The following MASP1 variants were observed in gnomAD, a reference collection of about 807,000 sequenced individuals.
MASP1 encodes mannan-binding lectin serine protease 1.
A neutral mutation model predicts 77.1 loss-of-function variants in MASP1; 59 were observed. The observed-to-expected ratio is 0.77, with a 90% CI of 0.62 to 0.95. The LOEUF (loss-of-function observed/expected upper bound fraction) is 0.95, where lower values mean the gene tolerates loss of function less well. MASP1 is among the 40% of genes least tolerant of loss of function. The pLI, the probability that MASP1 is intolerant of heterozygous loss-of-function variation, is 0.00. For synonymous variants in MASP1, 362 were observed against 354.5 expected (o/e 1.02, Z -0.24); for missense variants, 885 against 912.9 (o/e 0.97, Z 0.39).
intron 14 of MASP1, among the ~76,000 whole-genome samples, chr3:187,221,344 A>G (rs1405590842): frequency 1.3e-5 from 2 of 152,208 alleles, no homozygotes; most frequent in Admixed American, 6.5e-5. Flanking sequence ...TTGGCTGTGA[A>G]GACCTTGGCT....
At chr3:187,291,473 C>T in intron 1 of MASP1, 155 bp downstream of exon 1, 1 of 1,010,186 alleles carries the variant, frequency 9.9e-7, no homozygotes, top group Non-Finnish European at 1.5e-6. Flanking sequence ...CCACCCACAG[C>T]TCCCTTCTCA....
intron 1 of MASP1, among the ~76,000 whole-genome samples, chr3:187,288,512 G>A (rs1404884900): frequency 6.6e-6 from 1 of 152,196 alleles, no homozygotes; most frequent in Admixed American, 6.5e-5. Context: ...CCATTAAGTA[G>A]TAATAATAAC....
intron 1 of MASP1, among the ~76,000 whole-genome samples, chr3:187,289,558 C>T (rs1718138865): frequency 6.6e-6 from 1 of 152,220 alleles, no homozygotes; most frequent in African/African-American, 2.4e-5. Context: ...AAACCCATGG[C>T]TTTACGTAAA....
intron 8 of MASP1, among the ~76,000 whole-genome samples, chr3:187,245,273 T>G (rs1047846925): frequency 2.0e-5 from 3 of 152,188 alleles, no homozygotes; most frequent in African/African-American, 7.2e-5. Context: ...TTTCAGAAAA[T>G]GCCATTGACT....
At chr3:187,233,266 T>A (rs1232073964), downstream of MASP1, among the ~76,000 whole-genome samples, 1 of 152,202 alleles carries the variant, frequency 6.6e-6, no homozygotes, top group African/African-American at 2.4e-5. Flanking sequence ...GTGATTCTCA[T>A]ATACCCCAAA....
intron 7 of MASP1, among the ~76,000 whole-genome samples, chr3:187,250,954 T>C (rs187203050): frequency 3.3e-5 from 5 of 152,146 alleles, no homozygotes; most frequent in Admixed American, 3.3e-4. Flanking sequence ...GGGGAACCCA[T>C]CTGTTCCTTT....
intron 2 of MASP1, among the ~76,000 whole-genome samples, chr3:187,283,195 A>T (rs1579587852): frequency 6.6e-6 from 1 of 152,202 alleles, no homozygotes; most frequent in Non-Finnish European, 1.5e-5. Context: ...CTAGATAGAA[A>T]CCATCAACCA....
intron 4 of MASP1, among the ~76,000 whole-genome samples, chr3:187,259,129 A>C (rs768705061): frequency 1.3e-5 from 2 of 152,226 alleles, no homozygotes; most frequent in African/African-American, 4.8e-5. Context: ...AGCCCTGCTA[A>C]GGAACATTTA....
At chr3:187,237,602 T>C (rs2108516072) in intron 10 of MASP1, among the ~76,000 whole-genome samples, 1 of 152,348 alleles carries the variant, frequency 6.6e-6, no homozygotes, top group Non-Finnish European at 1.5e-5. Context: ...CAAACTTCGT[T>C]CCACTGAGTT....
At chr3:187,279,102 C>T (rs1717201539) in intron 2 of MASP1, among the ~76,000 whole-genome samples, 2 of 152,160 alleles carry the variant, frequency 1.3e-5, no homozygotes, top group Admixed American at 6.5e-5. Context: ...GAAATATACA[C>T]TTTGCGTGTT....
intron 2 of MASP1, among the ~76,000 whole-genome samples, chr3:187,285,366 G>T (rs951931674): frequency 6.6e-6 from 1 of 152,002 alleles, no homozygotes; most frequent in Non-Finnish European, 1.5e-5. Flanking sequence ...CTTCATCTCT[G>T]ACTCTTTACT....
rs746844321 is a variant in MASP1, at chr3:187,235,688, C to T, written c.2183G>A (p.Arg728Gln). Residue 728 changes from arginine (R) to glutamine (Q), a missense_variant, in exon 11 of 11, where the codon CGG becomes CAG. Coordinates refer to ENST00000296280, the MANE Select transcript of MASP1 (RefSeq NM_139125.4). ...PQSVVEPQVER is the reference protein window; with the variant it reads ...PQSVVEPQVEQ ...GCCCCGAGGAAGTAAGTCAGCTCAC[C>T]GTTCCACCTGGGGCTCCACAACACT... 20 of 1,614,014 alleles carry T rather than the reference C, an allele frequency of 1.2e-5. No individual in the cohort carries two copies. The highest frequency in any genetic ancestry group is 2.2e-5 in the East Asian group (1 of 44,892).
chr3:187,289,652 T>C (rs1718148645), intron 1 of MASP1, among the ~76,000 whole-genome samples: 1 of 152,228 alleles, frequency 6.6e-6, no homozygotes, highest in Non-Finnish European at 1.5e-5. Context: ...CACTGGCATG[T>C]TTCAAGGCAG....
chr3:187,286,198 T>C (rs1717845098), intron 1 of MASP1, 142 bp from the exon 2 acceptor site: 2 of 713,390 alleles, frequency 2.8e-6, no homozygotes, highest in Non-Finnish European at 5.0e-6. Context: ...TGACCTTGCC[T>C]CCTCAGTCTG....
At chr3:187,243,783 C>T (rs1400874750) in intron 8 of MASP1, 162 bp from the exon 9 acceptor site, 5 of 833,006 alleles carry the variant, frequency 6.0e-6, no homozygotes, top group Admixed American at 3.8e-5. Context: ...GTGCAGTGTA[C>T]AGCCTGTGAA....
chr3:187,271,725 A>G (rs367910400), intron 2 of MASP1, among the ~76,000 whole-genome samples: 22 of 152,270 alleles, frequency 1.4e-4, no homozygotes, highest in African/African-American at 4.3e-4. Flanking sequence ...ACCCCATGGT[A>G]TAAAATTGGT....
chr3:187,262,452 A>G (rs1715665386), intron 3 of MASP1, 91 bp downstream of exon 3: 2 of 1,285,510 alleles, frequency 1.6e-6, no homozygotes, highest in East Asian at 2.3e-5. Context: ...GTGCACACAC[A>G]GATTTCCATC....
intron 7 of MASP1, 139 bp from the exon 8 acceptor site, chr3:187,250,468 G>A (rs1714481443): frequency 1.3e-6 from 1 of 757,810 alleles, no homozygotes; most frequent in African/African-American, 1.7e-5. Flanking sequence ...TTCCAAGGGT[G>A]AGCTTGAAGG....
At chr3:187,272,325 A>G (rs1251567158) in intron 2 of MASP1, among the ~76,000 whole-genome samples, 1 of 152,208 alleles carries the variant, frequency 6.6e-6, no homozygotes, top group Non-Finnish European at 1.5e-5. Flanking sequence ...GCAACGCCTT[A>G]CTTATTGGGG....
Sources: allele counts gnomAD v4.1 joint callset (sites outside exome capture counted in the v4.1 genomes callset), GRCh38; gene constraint gnomAD v4.1.1; transcripts MANE v1.5; gene names NCBI Gene and HGNC (gene_info 2026-07-23, HGNC 2026-07-21).